Variants in CDYL observed in about 807,000 individuals in gnomAD.
CDYL encodes the protein chromodomain Y-like protein.
Under a neutral mutation model 47.3 loss-of-function variants are expected in CDYL, and 8 were observed. The observed-to-expected ratio is 0.17, with a 90% CI of 0.10 to 0.31. The LOEUF is 0.31. Ranked by LOEUF, CDYL falls within the 10% of genes least tolerant of loss-of-function variation. The pLI is 1.00. For synonymous variants in CDYL, 266 were observed against 265.0 expected, an observed-to-expected ratio of 1.00 and a Z score of -0.04; for missense variants, 471 against 701.4, an observed-to-expected ratio of 0.67 and a Z score of 3.71.
chr6:4,769,727 G>C (rs1758307979), intron 3 of CDYL, among the ~76,000 whole-genome samples: 1 of 152,170 alleles, frequency 6.6e-6, no homozygotes, highest in African/African-American at 2.4e-5. Context: ...TCATCTCTAG[G>C]TGGCCTGGGC....
At chr6:4,890,226 A>C (rs1005348896) in intron 1 of CDYL, 57 of 894,482 alleles carry the variant, frequency 6.4e-5, no homozygotes, top group Non-Finnish European at 7.2e-5. Context: ...CTATTTCTGC[A>C]AAAACGTCAT....
At chr6:4,747,419 C>T (rs955797391) in intron 3 of CDYL, among the ~76,000 whole-genome samples, 1 of 151,836 alleles carries the variant, frequency 6.6e-6, no homozygotes, top group African/African-American at 2.4e-5. Flanking sequence ...CAGAGCATTT[C>T]CTTTCTTTTA....
At chr6:4,892,952 T>C (rs1254078900) in intron 2 of CDYL, among the ~76,000 whole-genome samples, 2 of 152,158 alleles carry the variant, frequency 1.3e-5, no homozygotes, top group African/African-American at 2.4e-5. Flanking sequence ...TCTGTTTTAC[T>C]CTCATCCCCA....
intron 4 of CDYL, among the ~76,000 whole-genome samples, chr6:4,941,631 A>G (rs1758362270): frequency 6.6e-6 from 1 of 152,232 alleles, no homozygotes; most frequent in Admixed American, 6.5e-5. Flanking sequence ...CCTTCAGCCT[A>G]TCAAAATCTA....
chr6:4,725,991 T>C (rs572302127), intron 2 of CDYL, among the ~76,000 whole-genome samples: 18 of 152,020 alleles, frequency 1.2e-4, no homozygotes, highest in African/African-American at 3.9e-4. Flanking sequence ...CTACAACTCC[T>C]GACTTGCTAA....
chr6:4,765,144 G>A (rs1372168359), intron 3 of CDYL, among the ~76,000 whole-genome samples: 14 of 152,214 alleles, frequency 9.2e-5, no homozygotes, highest in South Asian at 2.1e-4. Context: ...CCAATGTGAC[G>A]AAACCCATCT....
chr6:4,723,717 G>A (rs1184569792), intron 2 of CDYL, among the ~76,000 whole-genome samples: 3 of 152,178 alleles, frequency 2.0e-5, no homozygotes, highest in African/African-American at 4.8e-5. Flanking sequence ...AAGCCACAGA[G>A]CAGGGCAGAG....
chr6:4,864,528 C>T (rs1441668623), intron 1 of CDYL, among the ~76,000 whole-genome samples: 2 of 152,042 alleles, frequency 1.3e-5, no homozygotes, highest in East Asian at 1.9e-4. Flanking sequence ...GGCTGTGTCC[C>T]CACCCAAACC....
At chr6:4,951,737 A>G (rs1581296715) in intron 5 of CDYL, among the ~76,000 whole-genome samples, 1 of 152,224 alleles carries the variant, frequency 6.6e-6, no homozygotes, top group East Asian at 1.9e-4. Context: ...TATATTAAAA[A>G]CAAGTCACCA....
chr6:4,904,118 C>G (rs1237361187), intron 2 of CDYL, among the ~76,000 whole-genome samples: 2 of 152,212 alleles, frequency 1.3e-5, no homozygotes, highest in Non-Finnish European at 2.9e-5. Flanking sequence ...GGCCGGGCCC[C>G]TCGCAGTGTT....
At chr6:4,769,512 C>G (rs892912885) in intron 3 of CDYL, among the ~76,000 whole-genome samples, 14 of 152,056 alleles carry the variant, frequency 9.2e-5, no homozygotes, top group African/African-American at 3.4e-4. Context: ...TTTTGCATAT[C>G]TAGTATTTCA....
intron 3 of CDYL, among the ~76,000 whole-genome samples, chr6:4,768,543 C>T (rs1348673132): frequency 6.6e-6 from 1 of 151,768 alleles, no homozygotes; most frequent in Non-Finnish European, 1.5e-5. Context: ...GGATTATAAT[C>T]CAGGGTATAA....
intron 1 of CDYL, chr6:4,714,721 GC>G (rs34029139): frequency 6.6e-6 from 1 of 152,218 alleles, no homozygotes; most frequent in South Asian, 2.1e-4. Flanking sequence ...TTCATATGGA[GC>G]CCAGTGTGGA....
intron 3 of CDYL, chr6:4,734,979 T>C: frequency 7.1e-7 from 1 of 1,414,724 alleles, no homozygotes; most frequent in South Asian, 1.5e-5. Flanking sequence ...CTGGTGAAGC[T>C]GTGGACTCCT....
rs1303622273 is a variant in CDYL at position 4,749,363 on chromosome 6, GATGGATGA to G, written c.186+14526_186+14533del. ...TGGCTGGATATGAGATAGATGGATGGATGGATGAATGGATATGTGATGGATAGATGGAT... is the reference window on the plus strand; with the variant it reads ...TGGCTGGATATGAGATAGATGGATGGATGGATATGTGATGGATAGATGGAT... On this transcript the variant is annotated intron_variant, in intron 3 of 8. Transcript: ENST00000328908. 5.7e-4 allele frequency among the ~76,000 whole-genome samples: 14 copies of G among 24,536 alleles called. No homozygotes were observed. The Admixed American group carries it at 9.5e-3, about 17-fold the overall frequency. 16.1% of individuals were successfully genotyped at this position (24,536 alleles called of 152,430 possible). A position where few individuals can be genotyped will look rare whatever the true frequency, so the allele number is the denominator to read the frequency against.
intron 1 of CDYL, among the ~76,000 whole-genome samples, chr6:4,880,140 G>A (rs1208732713): frequency 6.6e-6 from 1 of 151,994 alleles, no homozygotes; most frequent in Non-Finnish European, 1.5e-5. Context: ...CTAGTATCAT[G>A]CAGAGTAGTC....
chr6:4,762,509 A>G (rs1758189724), intron 3 of CDYL, among the ~76,000 whole-genome samples: 1 of 152,050 alleles, frequency 6.6e-6, no homozygotes, highest in African/African-American at 2.4e-5. Context: ...GAGTTTGCAC[A>G]CTGACTTCAA....
chr6:4,795,152 T>TA (rs1427517046), intron 1 of CDYL, among the ~76,000 whole-genome samples: 71 of 149,612 alleles, frequency 4.7e-4, no homozygotes, highest in African/African-American at 4.7e-4. Context: ...ATGCTCTTTT[T>TA]TAAAAAAAAA....
chr6:4,756,584 G>GTGTGTC (rs200652017), intron 3 of CDYL, among the ~76,000 whole-genome samples: 1,807 of 147,448 alleles, frequency 0.012, 37 homozygotes, highest in African/African-American at 0.042. Flanking sequence ...GTGTGTATGT[G>GTGTGTC]TGTGTGTGTG....
Sources: gnomAD v4.1 joint callset for allele counts (sites outside exome capture counted in the v4.1 genomes callset) on GRCh38, gnomAD v4.1.1 for gene constraint, MANE v1.5 for transcripts, NCBI Gene and HGNC (gene_info 2026-07-23, HGNC 2026-07-21) for gene names.